Variants in PRKN observed in about 807,000 individuals in gnomAD.
PRKN encodes E3 ubiquitin-protein ligase parkin.
PRKN carries 56 observed loss-of-function variants against 59.5 expected under a neutral mutation model. The ratio of observed to expected loss-of-function variants is 0.94; its 90% confidence interval spans 0.76 to 1.18. The LOEUF is 1.18. Among genes scored for constraint, PRKN ranks in the 50% most tolerant of loss-of-function variants. The pLI, the probability that PRKN is intolerant of heterozygous loss-of-function variation, is 0.00. For missense variants in PRKN, 657 were observed against 596.4 expected (o/e 1.10, Z -1.06); for synonymous variants, 250 against 222.1 (o/e 1.13, Z -1.12).
At chr6:162,537,423 GC>G (rs1164354694) in intron 1 of PRKN, among the ~76,000 whole-genome samples, 1 of 152,106 alleles carries the variant, frequency 6.6e-6, no homozygotes, top group Non-Finnish European at 1.5e-5. Context: ...TATATTTTAT[GC>G]CTGTTTCTTC....
In PRKN at chr6:162,143,173, TA is replaced by T. The variant is rs1781862311; in HGVS notation, c.534+57957del. 2.6e-5 allele frequency among the ~76,000 whole-genome samples: 4 copies of T among 152,234 alleles called. No individual in the cohort carries two copies. In the South Asian group the frequency reaches 8.3e-4, roughly 31 times the overall value. ...TTGAGTAATGAGATATTTAAGGTGG[TA>T]AAATGGCCACCCACAACACTAGATT... On this transcript the variant is annotated intron_variant, in intron 4 of 11. Transcript: ENST00000366898.
rs150029975 is a variant in PRKN at position 161,750,610 on chromosome 6, G to T, written c.871+35162C>A. Among the ~76,000 whole-genome samples, 232 of 151,848 alleles carry T rather than the reference G, an allele frequency of 1.5e-3. 3 individuals carry two copies. Among genetic ancestry groups the T allele is most frequent in the Middle Eastern group, 0.014 (4 of 294 alleles). On this transcript the variant is annotated intron_variant, in intron 7 of 11. Transcript: ENST00000366898. ...TGGTGAAAACCCGTCTCTACTAAAA[G>T]TACAAAAGTAGACAGGCATGGTGGC...
intron 7 of PRKN, among the ~76,000 whole-genome samples, chr6:161,650,158 A>G (rs936742128): frequency 2.6e-5 from 4 of 152,140 alleles, no homozygotes; most frequent in African/African-American, 7.2e-5. Flanking sequence ...GCCAGCTCCT[A>G]TGTTCTGCTT....
chr6:162,253,466 A>C (rs549692538), intron 3 of PRKN, among the ~76,000 whole-genome samples: 1 of 152,324 alleles, frequency 6.6e-6, no homozygotes, highest in South Asian at 2.1e-4. Context: ...CTATGGTTCT[A>C]CTTTACCAGC....
At chr6:162,509,069 A>T (rs1236467571) in intron 1 of PRKN, among the ~76,000 whole-genome samples, 1 of 152,166 alleles carries the variant, frequency 6.6e-6, no homozygotes, top group African/African-American at 2.4e-5. Context: ...AACTTCAAAT[A>T]AATACTCATG....
intron 4 of PRKN, among the ~76,000 whole-genome samples, chr6:162,138,958 T>C (rs779880194): frequency 2.0e-5 from 3 of 152,076 alleles, no homozygotes; most frequent in Non-Finnish European, 4.4e-5. Flanking sequence ...CAAGGGGAGA[T>C]AAAGCAAAGC....
At position 161,448,923 on chromosome 6, in the gene PRKN, T is replaced by C. The variant is rs1789608179; in HGVS notation, c.1084-62046A>G. On this transcript the variant is annotated intron_variant, in intron 9 of 11. Transcript: ENST00000366898. This position sits in a 1 kb window ranked among gnomAD's most constrained non-coding sequence, Gnocchi z 5.1. ...GACTCTGGCAACACAGGAAGCCCAGTGTGTTCTCCCCAAGGTCACATTAAA... is the reference window on the plus strand; with the variant it reads ...GACTCTGGCAACACAGGAAGCCCAGCGTGTTCTCCCCAAGGTCACATTAAA... Among the ~76,000 whole-genome samples, 1 of 152,190 alleles carries C rather than the reference T, an allele frequency of 6.6e-6. No homozygotes were observed.
chr6:162,098,063 T>C (rs867515806), intron 4 of PRKN, among the ~76,000 whole-genome samples: 1 of 152,230 alleles, frequency 6.6e-6, no homozygotes, highest in Non-Finnish European at 1.5e-5. Flanking sequence ...TGAATTCTTA[T>C]TTCAAATAGT....
At chr6:161,737,333 C>T (rs1470734648) in intron 7 of PRKN, among the ~76,000 whole-genome samples, 1 of 152,086 alleles carries the variant, frequency 6.6e-6, no homozygotes, top group Admixed American at 6.5e-5. Flanking sequence ...GGACAGCGGG[C>T]GCCCTTGCGA....
At chr6:162,619,245 C>T (rs528290558) in intron 1 of PRKN, among the ~76,000 whole-genome samples, 630 of 150,896 alleles carry the variant, frequency 4.2e-3, no homozygotes, top group Admixed American at 5.8e-3. Context: ...CAGGTTCAAG[C>T]GATTCTCCTG....
At chr6:161,704,621 G>T (rs999384937) in intron 7 of PRKN, among the ~76,000 whole-genome samples, 3 of 152,056 alleles carry the variant, frequency 2.0e-5, no homozygotes, top group African/African-American at 7.2e-5. Flanking sequence ...AGGTCCTCCG[G>T]TTCCCCACCT....
intron 3 of PRKN, 44 bp downstream of exon 3, chr6:162,262,481 C>A: frequency 6.2e-7 from 1 of 1,610,614 alleles, no homozygotes; most frequent in Non-Finnish European, 8.5e-7. Flanking sequence ...CTGCACTAAA[C>A]AAACAAACAA....
chr6:161,529,555 A>G lies in PRKN; in HGVS notation c.1083+19299T>C, dbSNP rs948176904. On this transcript the variant is annotated intron_variant, in intron 9 of 11. Transcript: ENST00000366898. The surrounding 1 kb of genome is among the most constrained non-coding windows in gnomAD (Gnocchi z 4.4). ...AAATGGCTGGTTTCTCTTCAAACTCACACAGTTTCAGTTCCAGTAATAAAA... is the reference window on the plus strand; with the variant it reads ...AAATGGCTGGTTTCTCTTCAAACTCGCACAGTTTCAGTTCCAGTAATAAAA... Among the ~76,000 whole-genome samples, 4 of 152,126 alleles carry G rather than the reference A, an allele frequency of 2.6e-5. No homozygotes were observed. The highest frequency in any genetic ancestry group is 5.9e-5 in the Non-Finnish European group (4 of 68,012).
At position 161,390,852 on chromosome 6, in the gene PRKN, A is replaced by C. The variant is rs1378665399; in HGVS notation, c.1084-3975T>G. ...TTTCCTTCCATTTGTGTGAATTATC[A>C]TTTCAGATAACTATTAAGTCGTTAT... On this transcript the variant is annotated intron_variant, in intron 9 of 11. Transcript: ENST00000366898. The surrounding 1 kb of genome is among the most constrained non-coding windows in gnomAD (Gnocchi z 7.0). Among the ~76,000 whole-genome samples, 1 of 152,182 alleles carries C rather than the reference A, an allele frequency of 6.6e-6. No individual in the cohort carries two copies. The highest frequency in any genetic ancestry group is 6.5e-5 in the Admixed American group (1 of 15,278).
At chr6:161,995,576 C>A (rs1781810912) in intron 5 of PRKN, among the ~76,000 whole-genome samples, 1 of 151,932 alleles carries the variant, frequency 6.6e-6, no homozygotes, top group South Asian at 2.1e-4. Context: ...TACAAATAAA[C>A]CCATCAAAAA....
intron 4 of PRKN, among the ~76,000 whole-genome samples, chr6:162,151,912 TA>T (rs1782288324): frequency 1.3e-5 from 2 of 152,130 alleles, no homozygotes; most frequent in African/African-American, 4.8e-5. Context: ...ATTATTTTAC[TA>T]AAACACAAAC....
At chr6:161,913,191 G>GACATGGGATA (rs1383816227) in intron 6 of PRKN, among the ~76,000 whole-genome samples, 4 of 118,416 alleles carry the variant, frequency 3.4e-5, no homozygotes, top group Non-Finnish European at 5.7e-5. Flanking sequence ...AAAAAAAAAA[G>GACATGGGATA]ACATGGGATA....
chr6:162,054,433 C>A (rs1002473274), intron 4 of PRKN, among the ~76,000 whole-genome samples: 6 of 152,186 alleles, frequency 3.9e-5, no homozygotes, highest in Admixed American at 6.5e-5. Flanking sequence ...ATAGCCTCCC[C>A]CTACGGCTGA....
At chr6:162,042,338 G>C (rs989630312) in intron 5 of PRKN, among the ~76,000 whole-genome samples, 1 of 151,948 alleles carries the variant, frequency 6.6e-6, no homozygotes, top group South Asian at 2.1e-4. Context: ...TGTTACCCAG[G>C]CTGGAGTGCA....
Sources: allele counts gnomAD v4.1 joint callset (sites outside exome capture counted in the v4.1 genomes callset), GRCh38; gene constraint gnomAD v4.1.1; non-coding constraint Gnocchi (gnomAD v3.1); transcripts MANE v1.5; gene names NCBI Gene and HGNC (gene_info 2026-07-23, HGNC 2026-07-21).